ETNK1: variants seen among roughly 807,000 people sequenced by gnomAD.
ETNK1 encodes ethanolamine kinase 1, also known as putative protein product of Nbla10396.
Under a neutral mutation model 45.1 loss-of-function variants are expected in ETNK1, and 8 were observed. The observed-to-expected ratio is 0.18, with a 90% CI of 0.10 to 0.32. The LOEUF (loss-of-function observed/expected upper bound fraction) is 0.32, where lower values mean the gene tolerates loss of function less well. Ranked by LOEUF, ETNK1 falls within the 10% of genes least tolerant of loss-of-function variation. The pLI, the probability that ETNK1 is intolerant of heterozygous loss-of-function variation, is 1.00. For missense variants in ETNK1, 302 were observed against 430.6 expected (o/e 0.70, Z 2.64); for synonymous variants, 152 against 151.9 (o/e 1.00, Z -0.01).
rs186754959 is a variant in ETNK1, at chr12:22,660,964, C to T, written c.558-99C>T. On this transcript the variant is annotated intron_variant, in intron 3 of 7. Coordinates refer to ENST00000266517, the MANE Select transcript of ETNK1 (RefSeq NM_018638.5). ...TGTTGTTTGAATTCAGCAGTATGTGCGATTAAATTGAAGGGATTTATTCAA... is the reference window on the plus strand; with the variant it reads ...TGTTGTTTGAATTCAGCAGTATGTGTGATTAAATTGAAGGGATTTATTCAA... The T allele has an allele frequency of 1.4e-4, 143 of 994,402 alleles. 1 individual carries two copies. Among genetic ancestry groups the T allele is most frequent in the South Asian group, 1.2e-3 (79 of 64,812 alleles). 61.6% of individuals were successfully genotyped at this position (994,402 alleles called of 1,614,324 possible). A position where few individuals can be genotyped will look rare whatever the true frequency, so the allele number is the denominator to read the frequency against.
intron 2 of ETNK1, among the ~76,000 whole-genome samples, chr12:22,647,689 A>G (rs1448985665): frequency 1.3e-5 from 2 of 152,078 alleles, no homozygotes; most frequent in East Asian, 3.9e-4. Flanking sequence ...ATGAAATACT[A>G]TGGGATGGTA....
At chr12:22,654,136 C>A (rs1039162460) in intron 2 of ETNK1, among the ~76,000 whole-genome samples, 2 of 152,176 alleles carry the variant, frequency 1.3e-5, no homozygotes, top group African/African-American at 4.8e-5. Flanking sequence ...GCCCCTTCTA[C>A]CATGTGAAAA....
Position 22,673,801 on chromosome 12 carries a change from G to T in ETNK1, c.945+141G>T, listed in dbSNP as rs942870149. The stretch of plus-strand genomic sequence containing the variant: ...TAATGTAAATACATGACCATTTACA[G>T]TATGCATTACCCCATTGCATTAGTT... On this transcript the variant is annotated intron_variant, in intron 6 of 7. Transcript: ENST00000266517. 5.1e-5 allele frequency: 42 copies of T among 826,416 alleles called. No individual in the cohort carries two copies. The African/African-American group carries it at 6.7e-4, about 13-fold the overall frequency. 51.2% of individuals were successfully genotyped at this position (826,416 alleles called of 1,614,324 possible).
chr12:22,633,215 T>C (rs1306392738), intron 1 of ETNK1, among the ~76,000 whole-genome samples: 3 of 152,228 alleles, frequency 2.0e-5, no homozygotes, highest in Admixed American at 2.0e-4. Context: ...GTTTCACTTA[T>C]GGTATATCTT....
In ETNK1 at chr12:22,679,702, G is replaced by T. The variant is rs111766978; in HGVS notation, c.946-4781G>T. On this transcript the variant is annotated intron_variant, in intron 6 of 7. Transcript: ENST00000266517. ...TCGTGTTTTTTGTTCTTGGTTTTTT[G>T]TTTTTTTTTTTTTTTTGATATGGAG... 5.3e-3 allele frequency among the ~76,000 whole-genome samples: 684 copies of T among 128,466 alleles called. 3 individuals carry two copies. The highest frequency in any genetic ancestry group is 0.016 in the African/African-American group (474 of 29,092). The allele number at this position is 128,466 out of a possible 152,430, so 84.3% of individuals were successfully genotyped here.
chr12:22,638,650 T>A (rs1188007819), intron 1 of ETNK1: 1 of 152,174 alleles, frequency 6.6e-6, no homozygotes, highest in East Asian at 1.9e-4. Flanking sequence ...TAATAGAGGC[T>A]CTAGGATTTC....
chr12:22,647,801 T>G (rs568841097), intron 2 of ETNK1, among the ~76,000 whole-genome samples: 3 of 152,008 alleles, frequency 2.0e-5, no homozygotes, highest in Non-Finnish European at 4.4e-5. Flanking sequence ...TGTTAGTGAA[T>G]ATTTGAGGAA....
chr12:22,676,846 G>C (rs1181058992), intron 6 of ETNK1, among the ~76,000 whole-genome samples: 2 of 137,156 alleles, frequency 1.5e-5, no homozygotes, highest in Non-Finnish European at 1.7e-5. Flanking sequence ...CTTTGCCTAC[G>C]TTTTGATGGG....
At chr12:22,665,441 G>A (rs1329196348) in intron 4 of ETNK1, among the ~76,000 whole-genome samples, 1 of 152,156 alleles carries the variant, frequency 6.6e-6, no homozygotes, top group African/African-American at 2.4e-5. Flanking sequence ...ATGCTGACAA[G>A]ATTTTAGATC....
intron 3 of ETNK1, among the ~76,000 whole-genome samples, chr12:22,660,146 A>G (rs1182812352): frequency 6.6e-6 from 1 of 151,962 alleles, no homozygotes; most frequent in East Asian, 1.9e-4. Context: ...ACAGTAGTGG[A>G]GAAAATATAG....
intron 1 of ETNK1, among the ~76,000 whole-genome samples, chr12:22,636,259 A>G (rs1391627542): frequency 6.6e-6 from 1 of 152,138 alleles, no homozygotes; most frequent in Admixed American, 6.5e-5. Flanking sequence ...TAGAGCTCTT[A>G]CTACATAATG....
rs1416228537 is a variant in ETNK1 at position 22,690,535 on chromosome 12, T to C, written c.*5581T>C. 6.6e-6 allele frequency: 1 copy of C among 152,564 alleles called. No individual in the cohort carries two copies. The highest frequency in any genetic ancestry group is 1.5e-5 in the Non-Finnish European group (1 of 67,968). The allele number at this position is 152,564 out of a possible 1,614,324, so 9.5% of individuals were successfully genotyped here. Reference sequence around the variant, plus strand: ...GTTTGTCTTTCAGTTCAAATATAAGTGATGTTTAGGCTTTATTTCTGTTAA... The same window carrying C: ...GTTTGTCTTTCAGTTCAAATATAAGCGATGTTTAGGCTTTATTTCTGTTAA... On this transcript the variant is annotated 3_prime_UTR_variant, in exon 8 of 8. Transcript: ENST00000266517.
In ETNK1 at chr12:22,625,203, A is replaced by C; in HGVS notation, c.-228A>C. The C allele has an allele frequency of 6.2e-7, 1 of 1,609,706 alleles. No individual in the cohort carries two copies. The highest frequency in any genetic ancestry group is 8.5e-7 in the Non-Finnish European group (1 of 1,178,048). On this transcript the variant is annotated 5_prime_UTR_variant, in exon 1 of 8. Coordinates refer to ENST00000266517, the MANE Select transcript of ETNK1 (RefSeq NM_018638.5). ...CCCGCGGTCCAGCTCCGACAACAGG[A>C]ATTTTCTCCGAGAGCGGGCCGGGCT...
intron 6 of ETNK1, among the ~76,000 whole-genome samples, chr12:22,677,579 G>C (rs1232573995): frequency 1.3e-5 from 2 of 152,190 alleles, no homozygotes; most frequent in East Asian, 3.8e-4. Context: ...GAATAGCATT[G>C]AATCTGTAAG....
chr12:22,644,555 T>C (rs1953782169), intron 2 of ETNK1: 2 of 297,552 alleles, frequency 6.7e-6, no homozygotes, highest in South Asian at 2.8e-4. Context: ...CTCTAGAAAA[T>C]GGTCTGGATT....
chr12:22,657,081 C>T (rs1437559186), intron 2 of ETNK1, among the ~76,000 whole-genome samples: 3 of 152,158 alleles, frequency 2.0e-5, no homozygotes, highest in Non-Finnish European at 4.4e-5. Context: ...CCTGGCCTTT[C>T]CATCAAGTTG....
intron 2 of ETNK1, among the ~76,000 whole-genome samples, chr12:22,655,328 GTTTTT>G (rs10586779): frequency 8.1e-6 from 1 of 122,778 alleles, no homozygotes; most frequent in Admixed American, 8.1e-5. Context: ...GGGTTTGTTT[GTTTTT>G]TTTTTTTTTT....
chr12:22,629,115 C>A (rs1435170662), intron 1 of ETNK1, among the ~76,000 whole-genome samples: 1 of 152,126 alleles, frequency 6.6e-6, no homozygotes, highest in African/African-American at 2.4e-5. Context: ...TGCTGTCTTT[C>A]ATGATAATTA....
intron 1 of ETNK1, among the ~76,000 whole-genome samples, chr12:22,641,218 G>A (rs1953731976): frequency 1.3e-5 from 2 of 152,122 alleles, no homozygotes; most frequent in Admixed American, 6.6e-5. Flanking sequence ...TGATTTGGGG[G>A]AGGGTTCGAG....
Sources: allele counts gnomAD v4.1 joint callset (sites outside exome capture counted in the v4.1 genomes callset), GRCh38; gene constraint gnomAD v4.1.1; transcripts MANE v1.5; gene names NCBI Gene and HGNC (gene_info 2026-07-23, HGNC 2026-07-21).